Variants in USP48 observed in about 807,000 individuals in gnomAD.
USP48 encodes ubiquitin specific peptidase 48.
Under a neutral mutation model 150.7 loss-of-function variants are expected in USP48, and 43 were observed. The observed-to-expected ratio is 0.29, with a 90% CI of 0.22 to 0.37. The LOEUF (loss-of-function observed/expected upper bound fraction) is 0.37. USP48 is among the 10% of genes least tolerant of loss of function. The pLI is 1.00. For synonymous variants in USP48, 396 were observed against 425.9 expected (o/e 0.93, Z 0.86); for missense variants, 813 against 1,249.6 (o/e 0.65, Z 5.27).
intron 8 of USP48, among the ~76,000 whole-genome samples, chr1:21,737,812 CACTT>C (rs892990656): frequency 2.7e-4 from 41 of 151,962 alleles, no homozygotes; most frequent in African/African-American, 8.9e-4. Flanking sequence ...CATTAATGAA[CACTT>C]ATTTAAACTG....
rs773275867 is a variant in USP48, at chr1:21,751,566, G to A, written c.715C>T (p.Leu239=). 1.9e-6 allele frequency: 3 copies of A among 1,613,816 alleles called. No homozygotes were observed. Among genetic ancestry groups the A allele is most frequent in the Non-Finnish European group, 2.5e-6 (3 of 1,179,992 alleles). The change falls in exon 6 of 27, where the codon CTG becomes TTG. Residue 239 remains leucine (L), a synonymous_variant. Transcript: ENST00000308271. ...TTGTGGCCTTGGATATTTAACTCCA[G>A]CTCATAAAATTTTGACAAAAGCTTA... ...ESKLLSKFYE[L]ELNIQGHKQL...
At chr1:21,715,160 C>T (rs1300700965) in intron 15 of USP48, 8 of 456,474 alleles carry the variant, frequency 1.8e-5, no homozygotes, top group Non-Finnish European at 2.8e-5. Context: ...TGGACAATGA[C>T]AGTCATGGGA....
At chr1:21,713,768 T>C (rs1406520631) in intron 15 of USP48, among the ~76,000 whole-genome samples, 1 of 152,202 alleles carries the variant, frequency 6.6e-6, no homozygotes, top group Non-Finnish European at 1.5e-5. Flanking sequence ...CCCTGTTTAT[T>C]TCCTCGTGCT....
chr1:21,697,485 A>C (rs1051154794), intron 22 of USP48, among the ~76,000 whole-genome samples: 14 of 152,162 alleles, frequency 9.2e-5, no homozygotes, highest in Admixed American at 8.5e-4. Context: ...AACATGGTGA[A>C]ACCCCGTCTC....
At chr1:21,711,515 T>C (rs986335927) in intron 15 of USP48, among the ~76,000 whole-genome samples, 4 of 152,166 alleles carry the variant, frequency 2.6e-5, no homozygotes, top group Admixed American at 2.0e-4. Context: ...TAATTAAACC[T>C]TTCCACTCTT....
At chr1:21,744,859 G>T (rs1429430925) in intron 8 of USP48, among the ~76,000 whole-genome samples, 2 of 151,570 alleles carry the variant, frequency 1.3e-5, no homozygotes, top group Non-Finnish European at 2.9e-5. Context: ...AGAGTCAGGG[G>T]CTAATGTTCA....
At chr1:21,694,501 C>T (rs987246969) in intron 23 of USP48, among the ~76,000 whole-genome samples, 2 of 132,344 alleles carry the variant, frequency 1.5e-5, no homozygotes, top group East Asian at 2.4e-4. Context: ...ACCCGGTAGG[C>T]GGAGGTTGCA....
chr1:21,690,397 A>T (rs1020276788), intron 23 of USP48, among the ~76,000 whole-genome samples: 3 of 152,130 alleles, frequency 2.0e-5, no homozygotes, highest in Non-Finnish European at 4.4e-5. Context: ...AAAATGAATA[A>T]AAAGTGGGGC....
chr1:21,700,144 T>C (rs2097651155), intron 22 of USP48, among the ~76,000 whole-genome samples: 2 of 151,808 alleles, frequency 1.3e-5, no homozygotes, highest in African/African-American at 4.8e-5. Flanking sequence ...TCACTTACTA[T>C]AGAAAAATAT....
intron 11 of USP48, chr1:21,724,961 G>C (rs2097732374): frequency 6.6e-6 from 1 of 152,068 alleles, no homozygotes; most frequent in African/African-American, 2.4e-5. Flanking sequence ...AACATACAGA[G>C]GTTGAATTTA....
At chr1:21,779,921 C>G (rs973015379) in intron 1 of USP48, among the ~76,000 whole-genome samples, 1 of 152,118 alleles carries the variant, frequency 6.6e-6, no homozygotes, top group Non-Finnish European at 1.5e-5. Flanking sequence ...AAAATAGTAC[C>G]TGTTTATGAG....
chr1:21,683,219 C>T (rs2097571532), intron 25 of USP48, among the ~76,000 whole-genome samples: 1 of 152,022 alleles, frequency 6.6e-6, no homozygotes, highest in South Asian at 2.1e-4. Context: ...AGCCATACTG[C>T]ACTTCAGCCT....
At chr1:21,718,890 C>G (rs182872061) in intron 14 of USP48, among the ~76,000 whole-genome samples, 1 of 151,884 alleles carries the variant, frequency 6.6e-6, no homozygotes, top group East Asian at 1.9e-4. Context: ...AATTATAGTA[C>G]GGTTTTTCAA....
chr1:21,706,313 CA>C, intron 17 of USP48, 126 bp from the exon 18 acceptor site: 1 of 1,483,044 alleles, frequency 6.7e-7, no homozygotes, highest in Non-Finnish European at 9.2e-7. Flanking sequence ...AGTCCTCTAC[CA>C]AAAAATAGCA....
At chr1:21,697,144 T>G (rs932558083) in intron 22 of USP48, among the ~76,000 whole-genome samples, 29 of 151,726 alleles carry the variant, frequency 1.9e-4, no homozygotes, top group African/African-American at 6.5e-4. Flanking sequence ...GGCTCCACAG[T>G]TTACAAAGCA....
chr1:21,689,741 G>A (rs368523663), intron 24 of USP48, among the ~76,000 whole-genome samples: 84 of 152,212 alleles, frequency 5.5e-4, no homozygotes, highest in African/African-American at 1.6e-3. Context: ...ATGCTGTGGC[G>A]TAACATCACC....
rs145066261 is a variant in USP48, at chr1:21,689,263, C to T, written c.3009+711G>A. Among the ~76,000 whole-genome samples the T allele has an allele frequency of 5.7e-3, 734 of 127,686 alleles. 6 individuals carry two copies. Among genetic ancestry groups the T allele is most frequent in the African/African-American group, 0.02 (684 of 33,558 alleles). 83.8% of individuals were successfully genotyped at this position (127,686 alleles called of 152,430 possible). On this transcript the variant is annotated intron_variant, in intron 24 of 26. Coordinates refer to ENST00000308271, the MANE Select transcript of USP48 (RefSeq NM_032236.8). ...GCATTTCAAATTAAGTTGCAGACAT[C>T]AGTATCATTAGTGTGGTTTTAAGAA...
chr1:21,703,566 C>A lies in USP48; in HGVS notation c.2568G>T (p.Leu856=), dbSNP rs747365693. 3.7e-6 allele frequency: 6 copies of A among 1,612,336 alleles called. No individual in the cohort carries two copies. Among genetic ancestry groups the A allele is most frequent in the Non-Finnish European group, 5.1e-6 (6 of 1,179,938 alleles). The change falls in exon 21 of 27, where the codon CTG becomes CTT. Residue 856 remains leucine, a synonymous_variant. Transcript: ENST00000308271. Reference sequence around the variant, plus strand: ...AGATGGTGGCTTGAGTGTATTCACGCAGGTCCCTCTGCTGCTGACACAATA... The same window carrying A: ...AGATGGTGGCTTGAGTGTATTCACGAAGGTCCCTCTGCTGCTGACACAATA... ...EGLLCQQQRD[L]REYTQATIYV...
intron 25 of USP48, chr1:21,686,792 G>A (rs2097581202): frequency 5.4e-6 from 1 of 183,772 alleles, no homozygotes; most frequent in African/African-American, 2.4e-5. Flanking sequence ...GAAAGGTAGA[G>A]AGTTGTCTAA....
Sources: allele counts gnomAD v4.1 joint callset (sites outside exome capture counted in the v4.1 genomes callset), GRCh38; gene constraint gnomAD v4.1.1; transcripts MANE v1.5; gene names NCBI Gene and HGNC (gene_info 2026-07-23, HGNC 2026-07-21).